Variants in MYH4 observed in about 807,000 individuals in gnomAD.
The protein encoded by MYH4 is myosin-4.
Under a neutral mutation model 229.9 loss-of-function variants are expected in MYH4, and 200 were observed. The ratio of observed to expected loss-of-function variants is 0.87; its 90% CI spans 0.78 to 0.98. The LOEUF (loss-of-function observed/expected upper bound fraction) is 0.98. Among genes scored for constraint, MYH4 ranks in the 50% least tolerant of loss-of-function variants. The pLI is 0.00. For missense variants in MYH4, 2,148 were observed against 2,332.6 expected, an observed-to-expected ratio of 0.92 and a Z score of 1.63; for synonymous variants, 761 against 834.6, an observed-to-expected ratio of 0.91 and a Z score of 1.52.
At chr17:10,455,522 C>G (rs759033400) in intron 19 of MYH4, 92 bp downstream of exon 19, 2 of 1,510,064 alleles carry the variant, frequency 1.3e-6, no homozygotes, top group Non-Finnish European at 1.8e-6. Flanking sequence ...AATTGCATGT[C>G]ATTTTTCAAG....
At chr17:10,449,102 C>A (rs1219526540) in intron 30 of MYH4, 55 bp from the exon 31 acceptor site, 1 of 1,501,368 alleles carries the variant, frequency 6.7e-7, no homozygotes, top group African/African-American at 1.4e-5. Flanking sequence ...CACCACAGTG[C>A]CCTTTATAAA....
intron 8 of MYH4, 21 bp downstream of exon 8, chr17:10,463,530 A>G (rs747306113): frequency 1.2e-6 from 2 of 1,600,636 alleles, no homozygotes; most frequent in Non-Finnish European, 1.7e-6. Flanking sequence ...TCCTCAAGAA[A>G]ATGAAGATCA....
chr17:10,459,268 T>A lies in MYH4; in HGVS notation c.1570A>T (p.Ile524Phe). 1 of 1,614,088 alleles carries A rather than the reference T, an allele frequency of 6.2e-7. No homozygotes were observed. The highest frequency in any genetic ancestry group is 2.2e-5 in the East Asian group (1 of 44,864). Residue 524 changes from isoleucine to phenylalanine, a missense_variant, in exon 15 of 40, where the codon ATC becomes TTC. By Grantham distance (21) the Ile-to-Phe change is conservative (BLOSUM62 0). Transcript: ENST00000255381. ...ATATGAACCTTCTCGATGAGCTCGATGCAGGCAGCCAGGTCCATCCCGAAG... is the reference window on the plus strand; with the variant it reads ...ATATGAACCTTCTCGATGAGCTCGAAGCAGGCAGCCAGGTCCATCCCGAAG... The part of the protein sequence containing the change: ...IDFGMDLAAC[I>F]ELIEKPMGIF...
chr17:10,451,901 G>A (rs761636098), intron 27 of MYH4, 40 bp downstream of exon 27: 1 of 1,551,394 alleles, frequency 6.4e-7, no homozygotes, highest in Non-Finnish European at 8.7e-7. Context: ...ATTTTGAATT[G>A]TTGCAAATAA....
Position 10,451,977 on chromosome 17 carries a change from G to A in MYH4, c.3702C>T (p.Asp1234=). ...EKSELKMEIN[D]LASNMETVSK... ...AGACAGTCTCCATGTTACTAGCAAG[G>A]TCATTGATCTCCATCTTCAGCTCAC... Residue 1234 remains aspartate, a synonymous_variant, in exon 27 of 40, where the codon GAC becomes GAT. Coordinates refer to ENST00000255381, the MANE Select transcript of MYH4 (RefSeq NM_017533.2). 1 of 1,613,234 alleles carries A rather than the reference G, an allele frequency of 6.2e-7. No homozygotes were observed. Among genetic ancestry groups the A allele is most frequent in the Non-Finnish European group, 8.5e-7 (1 of 1,179,556 alleles).
chr17:10,461,175 G>T, intron 11 of MYH4, 121 bp from the exon 12 acceptor site: 1 of 1,134,390 alleles, frequency 8.8e-7, no homozygotes, highest in Non-Finnish European at 1.3e-6. Flanking sequence ...CTAGCACTTT[G>T]CCATCTTCAA....
chr17:10,466,054 G>A (rs953279893), intron 4 of MYH4, among the ~76,000 whole-genome samples: 2 of 152,108 alleles, frequency 1.3e-5, no homozygotes, highest in Non-Finnish European at 2.9e-5. Flanking sequence ...GATTACAGGC[G>A]TGAGCCACCG....
chr17:10,451,354 G>T lies in MYH4; in HGVS notation c.3837C>A (p.Ala1279=). The change falls in exon 28 of 40, where the codon GCC becomes GCA. Residue 1279 remains alanine (A), a synonymous_variant. Coordinates refer to ENST00000255381, the MANE Select transcript of MYH4 (RefSeq NM_017533.2). The part of the protein sequence containing the change: ...EQQRLINELS[A]QKARLHTESG... The stretch of plus-strand genomic sequence containing the variant: ...ATTCTGTGTGTAAACGTGCCTTCTG[G>T]GCTGACAACTCATTTATTAAGCGTT... The T allele has an allele frequency of 1.2e-6, 2 of 1,613,900 alleles. No individual in the cohort carries two copies. Among genetic ancestry groups the T allele is most frequent in the South Asian group, 2.2e-5 (2 of 91,062 alleles).
rs565703331 is a variant in MYH4, at chr17:10,463,136, G to A, written c.858C>T (p.Tyr286=). Residue 286 remains tyrosine (Y), a synonymous_variant, in exon 10 of 40, where the codon TAC becomes TAT. Transcript: ENST00000255381. The stretch of plus-strand genomic sequence containing the variant: ...TGGACAGGATTTGATAAAATATGTG[G>A]TAGCTTCTTTCAGCCTTTAGCTGAA... ...VTFQLKAERS[Y]HIFYQILSNK... is the part of the protein sequence containing the mutation. 6.2e-7 allele frequency: 1 copy of A among 1,613,724 alleles called. No individual in the cohort carries two copies. Among genetic ancestry groups the A allele is most frequent in the South Asian group, 1.1e-5 (1 of 91,070 alleles).
intron 11 of MYH4, among the ~76,000 whole-genome samples, chr17:10,461,959 A>AT (rs886580256): frequency 1.2e-4 from 18 of 152,292 alleles, no homozygotes; most frequent in African/African-American, 4.1e-4. Context: ...AGACTGCTAC[A>AT]TTTTTTTAAC....
At position 10,460,929 on chromosome 17, in the gene MYH4, T is replaced by C. The variant is rs2072695046; in HGVS notation, c.1134A>G (p.Pro378=). The change falls in exon 12 of 40, where the codon CCA becomes CCG. Residue 378 remains proline (P), a synonymous_variant. Coordinates refer to ENST00000255381, the MANE Select transcript of MYH4 (RefSeq NM_017533.2). Reference sequence around the variant, plus strand: ...AGGGGGTGGTACCTTCCGTGCCATCTGGCTCTGCCTGCTCTTCCCTTTGCT... The same window carrying C: ...AGGGGGTGGTACCTTCCGTGCCATCCGGCTCTGCCTGCTCTTCCCTTTGCT... ...KQKQREEQAE[P]DGTEVADKAA... is the part of the protein sequence containing the mutation. The C allele has an allele frequency of 6.2e-7, 1 of 1,614,024 alleles. No homozygotes were observed. Among genetic ancestry groups the C allele is most frequent in the African/African-American group, 1.3e-5 (1 of 74,928 alleles).
chr17:10,467,990 A>C (rs1335194819), intron 2 of MYH4, among the ~76,000 whole-genome samples: 1 of 152,190 alleles, frequency 6.6e-6, no homozygotes, highest in Non-Finnish European at 1.5e-5. Flanking sequence ...TGTCATCAGC[A>C]TTAACTTTCC....
intron 35 of MYH4, among the ~76,000 whole-genome samples, chr17:10,446,646 G>C (rs1276571038): frequency 6.6e-6 from 1 of 152,160 alleles, no homozygotes; most frequent in Admixed American, 6.5e-5. Context: ...TATGTGATAC[G>C]TAAATATTAT....
In MYH4 at chr17:10,450,497, G is replaced by A. The variant is rs375911403; in HGVS notation, c.4137C>T (p.Tyr1379=). ...CTGTGCGCTGGATGGCGTCCGTCTC[G>A]TACTTGGTCCTCCACTGGGCAACCT... ...NSEVAQWRTK[Y]ETDAIQRTEE... is the part of the protein sequence containing the mutation. The change falls in exon 30 of 40, where the codon TAC becomes TAT. Residue 1379 remains tyrosine (Y), a synonymous_variant. Transcript: ENST00000255381. 9.3e-6 allele frequency: 15 copies of A among 1,613,862 alleles called. No individual in the cohort carries two copies. The highest frequency in any genetic ancestry group is 2.7e-5 in the African/African-American group (2 of 74,880).
chr17:10,448,989 T>C lies in MYH4; in HGVS notation c.4240A>G (p.Lys1414Glu). ...AEEHVEAVNS[K>E]CASLEKTKQR... ...TTTGTCTTTTCAAGAGAAGCACATT[T>C]GGAATTCACAGCTTCTACATGTTCT... The change falls in exon 31 of 40, where the codon AAA (lysine) becomes GAA (glutamate). Residue 1414 changes from lysine to glutamate, a missense_variant. Physicochemically the swap from Lys to Glu is moderately conservative, Grantham distance 56. Transcript: ENST00000255381. The C allele has an allele frequency of 3.1e-6, 5 of 1,614,150 alleles. No homozygotes were observed. Among genetic ancestry groups the C allele is most frequent in the Non-Finnish European group, 3.4e-6 (4 of 1,180,006 alleles).
chr17:10,460,242 G>C lies in MYH4; in HGVS notation c.1227C>G (p.Val409=), dbSNP rs147599249. The change falls in exon 13 of 40, where the codon GTC becomes GTG. Residue 409 remains valine (V), a synonymous_variant. Transcript: ENST00000255381. ...GGCCTTTGGTTACGAACTCATTGCC[G>C]ACCTTGACTCTGGGATAGCAGAGAG... The part of the protein sequence containing the change: ...LKSLCYPRVK[V]GNEFVTKGQT... The C allele has an allele frequency of 6.2e-7, 1 of 1,614,038 alleles. No individual in the cohort carries two copies. Among genetic ancestry groups the C allele is most frequent in the Admixed American group, 1.7e-5 (1 of 60,022 alleles).
In MYH4 at chr17:10,460,938, C is replaced by T; in HGVS notation, c.1125G>A (p.Gln375=). 1.2e-6 allele frequency: 2 copies of T among 1,614,110 alleles called. No homozygotes were observed. The highest frequency in any genetic ancestry group is 1.3e-5 in the African/African-American group (1 of 75,026). ...MKFKQKQREE[Q]AEPDGTEVAD... ...TACCTTCCGTGCCATCTGGCTCTGC[C>T]TGCTCTTCCCTTTGCTTTTGCTTGA... The change falls in exon 12 of 40, where the codon CAG becomes CAA. Residue 375 remains glutamine, a synonymous_variant. Coordinates refer to ENST00000255381, the MANE Select transcript of MYH4 (RefSeq NM_017533.2).
Position 10,448,411 on chromosome 17 carries a change from G to A in MYH4, c.4641C>T (p.Ser1547=), listed in dbSNP as rs1438736204. The change falls in exon 33 of 40, where the codon TCC becomes TCT. Residue 1547 remains serine (S), a synonymous_variant. Transcript: ENST00000255381. ...LDHEKSELQT[S]LEEAEASLEH... is the part of the protein sequence containing the mutation. ...AAAAATGTACCTCTGCTTCCTCTAG[G>A]GAAGTCTGTAGTTCACTCTTCTCAT... 1 of 1,613,196 alleles carries A rather than the reference G, an allele frequency of 6.2e-7. No homozygotes were observed. Among genetic ancestry groups the A allele is most frequent in the African/African-American group, 1.3e-5 (1 of 74,978 alleles).
In MYH4 at chr17:10,454,440, G is replaced by T. The variant is rs533827071; in HGVS notation, c.2691+115C>A. 21 of 1,362,284 alleles carry T rather than the reference G, an allele frequency of 1.5e-5. No homozygotes were observed. The East Asian group carries it at 4.6e-4, about 30-fold the overall frequency. 84.4% of individuals were successfully genotyped at this position (1,362,284 alleles called of 1,614,324 possible). On this transcript the variant is annotated intron_variant, in intron 22 of 39. Coordinates refer to ENST00000255381, the MANE Select transcript of MYH4 (RefSeq NM_017533.2). ...TTGCATCTATTGCTTCTTTATGCCC[G>T]AGTCTTGGTGTTTTTGAACAGCAAA...
Sources: gnomAD v4.1 joint callset for allele counts (sites outside exome capture counted in the v4.1 genomes callset) on GRCh38, gnomAD v4.1.1 for gene constraint, MANE v1.5 for transcripts, NCBI Gene and HGNC (gene_info 2026-07-23, HGNC 2026-07-21) for gene names.